TMX1: variants seen among roughly 807,000 people sequenced by gnomAD.
TMX1 encodes thioredoxin-related transmembrane protein 1.
In TMX1, 25 loss-of-function variants were observed where a neutral mutation model predicts 36.6. The observed-to-expected ratio is 0.68, with a 90% CI of 0.50 to 0.95. The LOEUF is 0.95. Among genes scored for constraint, TMX1 ranks in the 40% least tolerant of loss-of-function variants. TMX1 has a pLI of 0.00. For missense variants in TMX1, 347 were observed against 339.6 expected (o/e 1.02, Z -0.17); for synonymous variants, 133 against 118.0 (o/e 1.13, Z -0.82).
rs200458727 is a variant in TMX1 at position 51,240,255 on chromosome 14, C to T, written c.-38C>T. The T allele has an allele frequency of 4.4e-6, 7 of 1,599,856 alleles. No homozygotes were observed. Among genetic ancestry groups the T allele is most frequent in the Non-Finnish European group, 4.2e-6 (5 of 1,177,132 alleles). On this transcript the variant is annotated 5_prime_UTR_variant, in exon 1 of 8. Coordinates refer to ENST00000457354, the MANE Select transcript of TMX1 (RefSeq NM_030755.5). The stretch of plus-strand genomic sequence containing the variant: ...CAGCCCGCGAGGGCGGAAGTGGGAG[C>T]TGCGACCGCGCTCCCTGTGAGGTGG...
rs34241507 is a variant in TMX1 at position 51,243,093 on chromosome 14, TAAAAAA to T, written c.153-749_153-744del. ...TAGGCTTTATTCTTCCTGGTTCTGTTAAAAAAAAAAAAAAAAAAAGAACAACCCTGT... is the reference window on the plus strand; with the variant it reads ...TAGGCTTTATTCTTCCTGGTTCTGTTAAAAAAAAAAAAAGAACAACCCTGT... On this transcript the variant is annotated intron_variant, in intron 1 of 7. Transcript: ENST00000457354. 1.1e-4 allele frequency among the ~76,000 whole-genome samples: 15 copies of T among 138,188 alleles called. No homozygotes were observed. The South Asian group carries it at 3.0e-3, about 28-fold the overall frequency. The allele number at this position is 138,188 out of a possible 152,430, so 90.7% of individuals were successfully genotyped here.
chr14:51,251,324 A>C (rs1178911730), intron 7 of TMX1, among the ~76,000 whole-genome samples: 1 of 152,168 alleles, frequency 6.6e-6, no homozygotes, highest in African/African-American at 2.4e-5. Context: ...TAGGTGTATT[A>C]ATGTATTTCA....
chr14:51,240,270 C>T lies in TMX1; in HGVS notation c.-23C>T, dbSNP rs762826961. 5.6e-6 allele frequency: 9 copies of T among 1,605,884 alleles called. No individual in the cohort carries two copies. Among genetic ancestry groups the T allele is most frequent in the Middle Eastern group, 2.0e-4 (1 of 4,920 alleles). ...GAAGTGGGAGCTGCGACCGCGCTCCCTGTGAGGTGGGCAAGCGGCGAAATG... is the reference window on the plus strand; with the variant it reads ...GAAGTGGGAGCTGCGACCGCGCTCCTTGTGAGGTGGGCAAGCGGCGAAATG... On this transcript the variant is annotated 5_prime_UTR_variant, in exon 1 of 8. Coordinates refer to ENST00000457354, the MANE Select transcript of TMX1 (RefSeq NM_030755.5).
In TMX1 at chr14:51,255,189, T is replaced by TA. The variant is rs1179155127; in HGVS notation, c.*671dup. ...GATTTTCTCTTGTATTTTTCTTACT[T>TA]ACTATGGGTTACATTTTTTATTTTT... On this transcript the variant is annotated 3_prime_UTR_variant, in exon 8 of 8. Coordinates refer to ENST00000457354, the MANE Select transcript of TMX1 (RefSeq NM_030755.5). 2 of 152,072 alleles carry TA rather than the reference T, an allele frequency of 1.3e-5. No homozygotes were observed. The highest frequency in any genetic ancestry group is 4.8e-5 in the African/African-American group (2 of 41,448). The allele number at this position is 152,072 out of a possible 1,614,324, so 9.4% of individuals were successfully genotyped here. A position where few individuals can be genotyped will look rare whatever the true frequency, so the allele number is the denominator to read the frequency against.
intron 7 of TMX1, 123 bp from the exon 8 acceptor site, chr14:51,254,218 C>T: frequency 3.0e-6 from 2 of 677,630 alleles, no homozygotes; most frequent in Non-Finnish European, 4.5e-6. Context: ...TCCTTTTGGA[C>T]ATCCAAACAT....
In TMX1 at chr14:51,257,318, CAT is replaced by C. The variant is rs2065843123; in HGVS notation, c.*2801_*2802del. On this transcript the variant is annotated 3_prime_UTR_variant, in exon 8 of 8. Coordinates refer to ENST00000457354, the MANE Select transcript of TMX1 (RefSeq NM_030755.5). ...TTATTCAGCCTTACACAAAAAAAGG[CAT>C]AGTTCTGGGCTTAATTGTGATGTAA... 2.6e-5 allele frequency: 4 copies of C among 152,116 alleles called. No individual in the cohort carries two copies. The highest frequency in any genetic ancestry group is 2.6e-4 in the Admixed American group (4 of 15,270). The allele number at this position is 152,116 out of a possible 1,614,324, so 9.4% of individuals were successfully genotyped here.
In TMX1 at chr14:51,240,282, C is replaced by G; in HGVS notation, c.-11C>G. ...GCGACCGCGCTCCCTGTGAGGTGGG[C>G]AAGCGGCGAAATGGCGCCCTCCGGG... On this transcript the variant is annotated 5_prime_UTR_variant, in exon 1 of 8. Coordinates refer to ENST00000457354, the MANE Select transcript of TMX1 (RefSeq NM_030755.5). The G allele has an allele frequency of 6.2e-7, 1 of 1,607,986 alleles. No individual in the cohort carries two copies.
chr14:51,247,069 T>A (rs1347043162), intron 3 of TMX1, 23 bp from the exon 4 acceptor site: 1 of 1,589,902 alleles, frequency 6.3e-7, no homozygotes, highest in Admixed American at 1.8e-5. Flanking sequence ...TGCTGGATAA[T>A]ATTTAATTCT....
Position 51,255,854 on chromosome 14 carries a change from C to T in TMX1, c.*1335C>T, listed in dbSNP as rs1456444910. ...ACGTAGTAGACAATTTCTGTAATGT[C>T]CCCTTCTTTCTAGGCTCTGTTGCTG... On this transcript the variant is annotated 3_prime_UTR_variant, in exon 8 of 8. Transcript: ENST00000457354. 15 of 152,302 alleles carry T rather than the reference C, an allele frequency of 9.8e-5. No homozygotes were observed. The highest frequency in any genetic ancestry group is 2.9e-5 in the Non-Finnish European group (2 of 67,924). 9.4% of individuals were successfully genotyped at this position (152,302 alleles called of 1,614,324 possible).
At chr14:51,247,442 T>C (rs1014225770) in intron 4 of TMX1, among the ~76,000 whole-genome samples, 17 of 149,030 alleles carry the variant, frequency 1.1e-4, no homozygotes, top group African/African-American at 2.5e-4. Context: ...CTGCAAGCTC[T>C]GCCTCCTGGG....
intron 7 of TMX1, among the ~76,000 whole-genome samples, chr14:51,251,090 G>C (rs559390074): frequency 6.0e-4 from 92 of 152,304 alleles, no homozygotes; most frequent in African/African-American, 2.0e-3. Flanking sequence ...CTTTTAAATT[G>C]TGAATAAAAT....
At chr14:51,241,381 C>T (rs1191314466) in intron 1 of TMX1, among the ~76,000 whole-genome samples, 2 of 152,148 alleles carry the variant, frequency 1.3e-5, no homozygotes, top group Admixed American at 6.5e-5. Flanking sequence ...TACTGGACAC[C>T]ACTAAGCACC....
chr14:51,254,318 C>G, intron 7 of TMX1, 23 bp from the exon 8 acceptor site: 1 of 1,565,014 alleles, frequency 6.4e-7, no homozygotes, highest in Non-Finnish European at 8.6e-7. Context: ...AACAAAAATA[C>G]ATTTTTGGTC....
chr14:51,254,367 C>A lies in TMX1; in HGVS notation c.691C>A (p.Pro231Thr), dbSNP rs750548290. The A allele has an allele frequency of 1.9e-6, 3 of 1,606,198 alleles. No individual in the cohort carries two copies. The Admixed American group carries it at 5.2e-5, about 28-fold the overall frequency. Reference sequence around the variant, plus strand: ...AAAATTATTATCAGAATCTGCACAACCTTTGAAAAAAGTGGAGGAGGAACA... The same window carrying A: ...AAAATTATTATCAGAATCTGCACAAACTTTGAAAAAAGTGGAGGAGGAACA... ...SKKLLSESAQ[P>T]LKKVEEEQEA... is the part of the protein sequence containing the mutation. Residue 231 changes from proline (P) to threonine (T), a missense_variant, in exon 8 of 8, where the codon CCT (proline) becomes ACT (threonine). By Grantham distance (38) the Pro-to-Thr change is conservative (BLOSUM62 -1). Coordinates refer to ENST00000457354, the MANE Select transcript of TMX1 (RefSeq NM_030755.5).
rs1000052998 is a variant in TMX1, at chr14:51,249,727, C to T, written c.626C>T (p.Ser209Leu). ...MIFVADCLCP[S>L]KRRRPQPYPY... ...TTTGTGGCAGATTGCCTTTGTCCTT[C>T]AAAAAGGCGCAGACCACAGCCGTAC... The change falls in exon 7 of 8, where the codon TCA becomes TTA. Residue 209 changes from serine (S) to leucine (L), a missense_variant. Transcript: ENST00000457354. 1.2e-6 allele frequency: 2 copies of T among 1,613,180 alleles called. No homozygotes were observed. The highest frequency in any genetic ancestry group is 3.3e-5 in the Admixed American group (2 of 59,924).
At chr14:51,250,693 G>A (rs61984158) in intron 7 of TMX1, among the ~76,000 whole-genome samples, 27,144 of 151,990 alleles carry the variant, frequency 0.18, 2,701 homozygotes, top group South Asian at 0.34. Context: ...GGGTTTCACT[G>A]TGTTAGCCAG....
chr14:51,251,465 A>G (rs1050362474), intron 7 of TMX1, among the ~76,000 whole-genome samples: 7 of 152,090 alleles, frequency 4.6e-5, no homozygotes, highest in Non-Finnish European at 8.8e-5. Context: ...GTTTTTTTAT[A>G]TTCTGTCTTC....
rs558587277 is a variant in TMX1 at position 51,257,508 on chromosome 14, A to G, written c.*2989A>G. 1.3e-5 allele frequency: 2 copies of G among 152,276 alleles called. No homozygotes were observed. The highest frequency in any genetic ancestry group is 4.8e-5 in the African/African-American group (2 of 41,564). 9.4% of individuals were successfully genotyped at this position (152,276 alleles called of 1,614,324 possible). A position where few individuals can be genotyped will look rare whatever the true frequency, so the allele number is the denominator to read the frequency against. On this transcript the variant is annotated 3_prime_UTR_variant, in exon 8 of 8. Coordinates refer to ENST00000457354, the MANE Select transcript of TMX1 (RefSeq NM_030755.5). ...ACTTATTAAATGAGTGGTTTTGCTG[A>G]GTGTATGAGTCTATAAATAAAATTT...
chr14:51,248,383 G>A (rs1157754851), intron 4 of TMX1, among the ~76,000 whole-genome samples: 3 of 152,198 alleles, frequency 2.0e-5, no homozygotes, highest in East Asian at 1.9e-4. Flanking sequence ...AGATTCTGGG[G>A]ATGGGAGAAA....
Sources: allele counts gnomAD v4.1 joint callset (sites outside exome capture counted in the v4.1 genomes callset), GRCh38; gene constraint gnomAD v4.1.1; transcripts MANE v1.5; gene names NCBI Gene and HGNC (gene_info 2026-07-23, HGNC 2026-07-21).